Variants in PSKH1 observed in about 807,000 individuals in gnomAD.
PSKH1 encodes protein serine kinase H1.
PSKH1 carries 12 observed loss-of-function variants against 26.7 expected under a neutral mutation model. The observed-to-expected ratio is 0.45, with a 90% CI of 0.29 to 0.73. PSKH1 has a LOEUF of 0.73. PSKH1 is among the 30% of genes least tolerant of loss of function. PSKH1 has a pLI of 0.11. For synonymous variants in PSKH1, 213 were observed against 234.3 expected, an observed-to-expected ratio of 0.91 and a Z score of 0.83; for missense variants, 431 against 595.2, an observed-to-expected ratio of 0.72 and a Z score of 2.87.
At chr16:67,898,223 A>T (rs1218740431) in intron 1 of PSKH1, among the ~76,000 whole-genome samples, 2 of 152,066 alleles carry the variant, frequency 1.3e-5, no homozygotes, top group African/African-American at 4.8e-5. Flanking sequence ...CAAGAGTTCG[A>T]GAACAAGCCT....
intron 2 of PSKH1, among the ~76,000 whole-genome samples, chr16:67,918,815 C>T (rs1172406787): frequency 6.6e-6 from 1 of 152,124 alleles, no homozygotes; most frequent in Admixed American, 6.5e-5. Context: ...TGGTCTGGAA[C>T]TCCTGACCTC....
intron 1 of PSKH1, among the ~76,000 whole-genome samples, chr16:67,906,225 A>G (rs2058155625): frequency 6.6e-6 from 1 of 152,082 alleles, no homozygotes. Flanking sequence ...GGCATGTGCC[A>G]CCAAGCCCGG....
At chr16:67,919,945 C>T (rs1218749088) in intron 2 of PSKH1, among the ~76,000 whole-genome samples, 1 of 152,166 alleles carries the variant, frequency 6.6e-6, no homozygotes, top group African/African-American at 2.4e-5. Context: ...AGGAGCAGAC[C>T]CACCCGCCAC....
intron 2 of PSKH1, among the ~76,000 whole-genome samples, chr16:67,923,749 G>A (rs1004446520): frequency 3.3e-5 from 5 of 152,232 alleles, no homozygotes; most frequent in African/African-American, 7.2e-5. Context: ...ACTGAGGCAC[G>A]AGTTCAGTTC....
At chr16:67,922,221 G>A (rs924155888) in intron 2 of PSKH1, among the ~76,000 whole-genome samples, 19 of 152,206 alleles carry the variant, frequency 1.2e-4, no homozygotes, top group African/African-American at 4.1e-4. Flanking sequence ...GATGCTCTTC[G>A]TCGTGGGCAG....
Position 67,927,925 on chromosome 16 carries a change from T to C in PSKH1, c.*283T>C. Reference sequence around the variant, plus strand: ...TTGGTGGGCAGCTGCTCTGGTGGAGTTGGGAAGGGATAGGACCTGGCCTTC... The same window carrying C: ...TTGGTGGGCAGCTGCTCTGGTGGAGCTGGGAAGGGATAGGACCTGGCCTTC... On this transcript the variant is annotated 3_prime_UTR_variant, in exon 3 of 3. Transcript: ENST00000291041. This position sits in a 1 kb window ranked among gnomAD's most constrained non-coding sequence, Gnocchi z 5.5. 2.0e-6 allele frequency: 1 copy of C among 506,724 alleles called. No homozygotes were observed. Among genetic ancestry groups the C allele is most frequent in the Non-Finnish European group, 3.5e-6 (1 of 282,398 alleles). 31.4% of individuals were successfully genotyped at this position (506,724 alleles called of 1,614,324 possible).
chr16:67,924,232 C>T (rs2058210320), intron 2 of PSKH1, among the ~76,000 whole-genome samples: 1 of 152,228 alleles, frequency 6.6e-6, no homozygotes, highest in South Asian at 2.1e-4. Context: ...GAGCTGGGAC[C>T]TGCCAGAGAG....
chr16:67,926,343 G>C (rs1567402598), intron 2 of PSKH1, among the ~76,000 whole-genome samples: 1 of 152,242 alleles, frequency 6.6e-6, no homozygotes, highest in Non-Finnish European at 1.5e-5. Context: ...AGTGCTTCCT[G>C]TATGCGCAGC....
intron 2 of PSKH1, among the ~76,000 whole-genome samples, chr16:67,923,809 T>C (rs2058209482): frequency 6.6e-6 from 1 of 152,214 alleles, no homozygotes; most frequent in African/African-American, 2.4e-5. Context: ...TGACTATTCA[T>C]CATTTTCCCT....
At chr16:67,896,535 CTTTTTT>C (rs959626962) in intron 1 of PSKH1, among the ~76,000 whole-genome samples, 5 of 80,956 alleles carry the variant, frequency 6.2e-5, no homozygotes, top group African/African-American at 2.6e-4. Flanking sequence ...TAGTGTGCTT[CTTTTTT>C]TTTTTTTTTT....
chr16:67,925,736 C>T (rs371304436), intron 2 of PSKH1, among the ~76,000 whole-genome samples: 2 of 152,112 alleles, frequency 1.3e-5, no homozygotes, highest in African/African-American at 4.8e-5. Flanking sequence ...ATATGGTTCC[C>T]CTGTTGCTCC....
At chr16:67,924,577 C>T (rs1453848073) in intron 2 of PSKH1, among the ~76,000 whole-genome samples, 1 of 152,242 alleles carries the variant, frequency 6.6e-6, no homozygotes, top group African/African-American at 2.4e-5. Context: ...CATCCATGTT[C>T]AGGCTCCTGG....
chr16:67,917,152 C>T (rs1371540663), intron 2 of PSKH1, among the ~76,000 whole-genome samples: 5 of 152,208 alleles, frequency 3.3e-5, no homozygotes, highest in African/African-American at 9.7e-5. Context: ...CATCTCCAAT[C>T]TATGACAACC....
At chr16:67,912,923 C>T (rs2058177343) in intron 2 of PSKH1, among the ~76,000 whole-genome samples, 1 of 152,066 alleles carries the variant, frequency 6.6e-6, no homozygotes. Flanking sequence ...TGGTGGCTCA[C>T]ATTTGTAATC....
intron 2 of PSKH1, among the ~76,000 whole-genome samples, chr16:67,919,366 A>T (rs1006296238): frequency 6.6e-6 from 1 of 152,306 alleles, no homozygotes; most frequent in Admixed American, 6.5e-5. Context: ...AGCTGACAGC[A>T]CGAGCAAACA....
chr16:67,897,606 C>A (rs2058130011), intron 1 of PSKH1, among the ~76,000 whole-genome samples: 1 of 152,106 alleles, frequency 6.6e-6, no homozygotes, highest in South Asian at 2.1e-4. Flanking sequence ...TGGCAGAGTT[C>A]CTGACCCACA....
intron 2 of PSKH1, among the ~76,000 whole-genome samples, chr16:67,922,759 C>T (rs1333968884): frequency 1.3e-5 from 2 of 152,202 alleles, no homozygotes; most frequent in Non-Finnish European, 2.9e-5. Context: ...GCTGGGCTTG[C>T]AATCTAACCC....
chr16:67,906,987 G>A (rs1280602430), intron 1 of PSKH1, among the ~76,000 whole-genome samples: 5 of 149,850 alleles, frequency 3.3e-5, no homozygotes, highest in African/African-American at 9.8e-5. Context: ...TTTTTGAGAC[G>A]GAGTCTCACT....
intron 1 of PSKH1, among the ~76,000 whole-genome samples, chr16:67,902,226 C>G (rs566010797): frequency 6.7e-6 from 1 of 150,188 alleles, no homozygotes; most frequent in Non-Finnish European, 1.5e-5. Context: ...TGCCACTGCA[C>G]GCCAACTTAG....
Sources: allele counts gnomAD v4.1 joint callset (sites outside exome capture counted in the v4.1 genomes callset), GRCh38; gene constraint gnomAD v4.1.1; non-coding constraint Gnocchi (gnomAD v3.1); transcripts MANE v1.5; gene names NCBI Gene and HGNC (gene_info 2026-07-23, HGNC 2026-07-21).